SSBP2: variants seen among roughly 807,000 people sequenced by gnomAD.
SSBP2 encodes the protein single-stranded DNA-binding protein 2.
SSBP2 carries 17 observed loss-of-function variants against 61.8 expected under a neutral mutation model. The ratio of observed to expected loss-of-function variants is 0.28; its 90% CI spans 0.19 to 0.41. The LOEUF is 0.41. SSBP2 is among the 10% of genes least tolerant of loss of function. The probability of loss-of-function intolerance (pLI) is 1.00; values close to 1 mark genes in which losing one functional copy is unlikely to be tolerated. For missense variants in SSBP2, 310 were observed against 458.7 expected (o/e 0.68, Z 2.96); for synonymous variants, 139 against 141.3 (o/e 0.98, Z 0.12).
At chr5:81,592,238 T>A (rs1481203027) in intron 4 of SSBP2, among the ~76,000 whole-genome samples, 3 of 152,218 alleles carry the variant, frequency 2.0e-5, no homozygotes, top group Non-Finnish European at 4.4e-5. Flanking sequence ...CGCTCATTGC[T>A]AGCACAGCAG....
chr5:81,510,822 A>G (rs1193801675), intron 5 of SSBP2, among the ~76,000 whole-genome samples: 4 of 152,118 alleles, frequency 2.6e-5, no homozygotes, highest in African/African-American at 9.7e-5. Context: ...CCCTATCTTC[A>G]GACTTGTTCC....
chr5:81,591,649 T>C (rs1483482664), intron 4 of SSBP2, among the ~76,000 whole-genome samples: 2 of 151,940 alleles, frequency 1.3e-5, no homozygotes, highest in Non-Finnish European at 2.9e-5. Flanking sequence ...ATGAAGACTG[T>C]CTTTGACAAA....
intron 6 of SSBP2, among the ~76,000 whole-genome samples, chr5:81,475,252 T>C (rs1000955848): frequency 2.0e-5 from 3 of 152,122 alleles, no homozygotes; most frequent in Non-Finnish European, 4.4e-5. Context: ...CATACACATA[T>C]ACATAAAATC....
intron 4 of SSBP2, among the ~76,000 whole-genome samples, chr5:81,572,624 G>A (rs6859225): frequency 0.41 from 62,253 of 152,020 alleles, 15,846 homozygotes; most frequent in African/African-American, 0.73. Context: ...AACTTTAGAG[G>A]TTATAAAAGA....
At chr5:81,437,533 A>G in intron 14 of SSBP2, 75 bp from the exon 15 acceptor site, 1 of 1,300,576 alleles carries the variant, frequency 7.7e-7, no homozygotes, top group Non-Finnish European at 1.1e-6. Context: ...TTTAATTTAA[A>G]TAAGTGAAGT....
At chr5:81,461,740 A>T (rs1029326321) in intron 9 of SSBP2, among the ~76,000 whole-genome samples, 1 of 152,174 alleles carries the variant, frequency 6.6e-6, no homozygotes, top group Non-Finnish European at 1.5e-5. Context: ...CAAATCTTAG[A>T]AAAAATGGGA....
At chr5:81,615,029 A>G (rs1745866117) in intron 4 of SSBP2, 1 of 153,480 alleles carries the variant, frequency 6.5e-6, no homozygotes, top group Non-Finnish European at 1.4e-5. Context: ...TTCAGCAGGG[A>G]AGATATTTAG....
chr5:81,488,182 G>C (rs988367278), intron 6 of SSBP2, among the ~76,000 whole-genome samples: 1 of 150,366 alleles, frequency 6.7e-6, no homozygotes, highest in East Asian at 2.0e-4. Context: ...TAATGAACAT[G>C]GGAATGCAGA....
At chr5:81,524,722 C>T (rs1204003948) in intron 4 of SSBP2, among the ~76,000 whole-genome samples, 1 of 152,002 alleles carries the variant, frequency 6.6e-6, no homozygotes, top group Admixed American at 6.6e-5. Context: ...GGTCTCATAG[C>T]TCTTTTAGTG....
intron 1 of SSBP2, among the ~76,000 whole-genome samples, chr5:81,742,952 T>A (rs1159232025): frequency 6.6e-6 from 1 of 152,118 alleles, no homozygotes; most frequent in Admixed American, 6.5e-5. Context: ...TATGAGAGTA[T>A]CCAATCCAAT....
intron 1 of SSBP2, among the ~76,000 whole-genome samples, chr5:81,699,665 T>C (rs1753831392): frequency 6.6e-6 from 1 of 152,138 alleles, no homozygotes. Context: ...CTCCAAGTCA[T>C]CCACGAGGGT....
intron 14 of SSBP2, among the ~76,000 whole-genome samples, chr5:81,438,371 A>G (rs1259774411): frequency 6.6e-6 from 1 of 151,548 alleles, no homozygotes; most frequent in South Asian, 2.1e-4. Flanking sequence ...AAAAAGAAAT[A>G]GAATCATACA....
At chr5:81,453,955 G>A (rs952703388) in intron 10 of SSBP2, among the ~76,000 whole-genome samples, 3 of 152,230 alleles carry the variant, frequency 2.0e-5, no homozygotes, top group South Asian at 2.1e-4. Context: ...AAGTCACTGA[G>A]TTTGGTTGGT....
intron 2 of SSBP2, among the ~76,000 whole-genome samples, chr5:81,645,710 A>G (rs1749185039): frequency 6.6e-6 from 1 of 152,214 alleles, no homozygotes; most frequent in African/African-American, 2.4e-5. Flanking sequence ...TAATTATTAA[A>G]TGTTGAAGAA....
At chr5:81,699,231 G>A (rs530827074) in intron 1 of SSBP2, among the ~76,000 whole-genome samples, 1 of 152,348 alleles carries the variant, frequency 6.6e-6, no homozygotes, top group East Asian at 1.9e-4. Flanking sequence ...GATCGGGGTG[G>A]CAGTTGCTGA....
At chr5:81,430,443 A>G (rs986462992) in intron 15 of SSBP2, among the ~76,000 whole-genome samples, 6 of 152,226 alleles carry the variant, frequency 3.9e-5, no homozygotes, top group African/African-American at 1.4e-4. Context: ...CCTGTGGTAT[A>G]TAAGGTACCA....
chr5:81,472,870 G>A (rs969037186), intron 8 of SSBP2, among the ~76,000 whole-genome samples: 1 of 152,126 alleles, frequency 6.6e-6, no homozygotes, highest in African/African-American at 2.4e-5. Context: ...CAAAGTGCTG[G>A]GATTATAGGC....
At chr5:81,652,691 T>TG (rs1397751693) in intron 1 of SSBP2, among the ~76,000 whole-genome samples, 1 of 152,174 alleles carries the variant, frequency 6.6e-6, no homozygotes, top group African/African-American at 2.4e-5. Flanking sequence ...GAGCAATGCA[T>TG]GGGTGAACAA....
chr5:81,454,441 G>C (rs1763990949), intron 10 of SSBP2, among the ~76,000 whole-genome samples: 1 of 152,216 alleles, frequency 6.6e-6, no homozygotes, highest in Non-Finnish European at 1.5e-5. Context: ...AGCAGTTTGG[G>C]AGGCCAAGGT....
Sources: gnomAD v4.1 joint callset for allele counts (sites outside exome capture counted in the v4.1 genomes callset) on GRCh38, gnomAD v4.1.1 for gene constraint, MANE v1.5 for transcripts, NCBI Gene and HGNC (gene_info 2026-07-23, HGNC 2026-07-21) for gene names.